Variants in EBF2 observed in about 807,000 individuals in gnomAD.
The protein encoded by EBF2 is EBF transcription factor 2.
A neutral mutation model predicts 72.8 loss-of-function variants in EBF2; 21 were observed. That is an observed-to-expected ratio of 0.29 (90% CI 0.20 to 0.42). The LOEUF (loss-of-function observed/expected upper bound fraction) is 0.42, where lower values mean the gene tolerates loss of function less well. EBF2 is among the 10% of genes least tolerant of loss of function. The probability of loss-of-function intolerance (pLI) is 1.00; values close to 1 mark genes in which losing one functional copy is unlikely to be tolerated. For synonymous variants in EBF2, 299 were observed against 274.2 expected (o/e 1.09, Z -0.89); for missense variants, 637 against 731.2 (o/e 0.87, Z 1.49).
chr8:25,996,249 C>G (rs1418031273), intron 6 of EBF2, among the ~76,000 whole-genome samples: 6 of 146,500 alleles, frequency 4.1e-5, no homozygotes, highest in Non-Finnish European at 8.9e-5. Flanking sequence ...GAGCCAAGAT[C>G]ATGCCACTGT....
At chr8:25,965,279 A>C (rs996397146) in intron 6 of EBF2, among the ~76,000 whole-genome samples, 1 of 152,204 alleles carries the variant, frequency 6.6e-6, no homozygotes, top group Non-Finnish European at 1.5e-5. Flanking sequence ...AACTCAAAGT[A>C]CCTATTCAGT....
At chr8:25,904,253 G>T (rs1209948337) in intron 7 of EBF2, among the ~76,000 whole-genome samples, 1 of 107,824 alleles carries the variant, frequency 9.3e-6, no homozygotes, top group Non-Finnish European at 2.0e-5. Context: ...AAAAAAAAAG[G>T]TTAAAAAGGG....
At chr8:25,858,950 C>T (rs1203427091) in intron 13 of EBF2, among the ~76,000 whole-genome samples, 3 of 152,080 alleles carry the variant, frequency 2.0e-5, no homozygotes, top group Admixed American at 6.5e-5. Flanking sequence ...TGAGCCAGTG[C>T]GCCCAGCCCA....
At chr8:25,945,326 C>T (rs1241156659) in intron 6 of EBF2, among the ~76,000 whole-genome samples, 1 of 152,024 alleles carries the variant, frequency 6.6e-6, no homozygotes, top group African/African-American at 2.4e-5. Context: ...TAGTTCAGAC[C>T]AGAAAATTTC....
chr8:25,885,209 C>CTT (rs35187702), intron 10 of EBF2, among the ~76,000 whole-genome samples: 88 of 149,210 alleles, frequency 5.9e-4, no homozygotes, highest in African/African-American at 2.0e-3. Flanking sequence ...TACCAGGCTC[C>CTT]TTTTTTTTTT....
In EBF2 at chr8:25,942,013, A is replaced by G. The variant is rs144637281; in HGVS notation, c.552-33458T>C. 1.3e-4 allele frequency among the ~76,000 whole-genome samples: 20 copies of G among 152,326 alleles called. No individual in the cohort carries two copies. In the East Asian group the frequency reaches 3.7e-3, roughly 28 times the overall value. ...TGAAGCACTGTGCTAGAGGCTGGAA[A>G]TAGAAAACCATGTTCCCGTCCTCAG... On this transcript the variant is annotated intron_variant, in intron 6 of 15. Transcript: ENST00000520164.
intron 7 of EBF2, among the ~76,000 whole-genome samples, chr8:25,900,221 C>T (rs1431190581): frequency 6.6e-6 from 1 of 152,136 alleles, no homozygotes; most frequent in Non-Finnish European, 1.5e-5. Context: ...TTTGCGAAGC[C>T]AAGGCGAGTG....
At chr8:25,906,026 A>G (rs142885796) in intron 7 of EBF2, among the ~76,000 whole-genome samples, 117 of 152,356 alleles carry the variant, frequency 7.7e-4, no homozygotes, top group African/African-American at 2.7e-3. Context: ...TTCTATGCCA[A>G]TGAAAAACTC....
At chr8:25,907,511 C>T (rs1450637456) in intron 7 of EBF2, among the ~76,000 whole-genome samples, 1 of 149,146 alleles carries the variant, frequency 6.7e-6, no homozygotes. Context: ...TGCAACGTGT[C>T]GCATGCCCAC....
chr8:25,977,124 A>C (rs1305614167), intron 6 of EBF2, among the ~76,000 whole-genome samples: 1 of 152,126 alleles, frequency 6.6e-6, no homozygotes, highest in African/African-American at 2.4e-5. Flanking sequence ...GCATTTCCAA[A>C]CCCAGAGCCT....
chr8:26,012,724 G>A (rs1451461573), intron 6 of EBF2, among the ~76,000 whole-genome samples: 1 of 152,136 alleles, frequency 6.6e-6, no homozygotes, highest in African/African-American at 2.4e-5. Context: ...ATTTCAAACA[G>A]GTGATCCTAG....
chr8:26,029,356 C>G (rs571361998), intron 6 of EBF2, among the ~76,000 whole-genome samples: 1 of 152,278 alleles, frequency 6.6e-6, no homozygotes, highest in East Asian at 1.9e-4. Context: ...TTGATGGTAT[C>G]AAGGGCATTT....
chr8:26,029,678 G>T (rs1449185710), intron 6 of EBF2, among the ~76,000 whole-genome samples: 1 of 152,218 alleles, frequency 6.6e-6, no homozygotes, highest in African/African-American at 2.4e-5. Context: ...AAGGTTAGGT[G>T]AGAAGGGGGA....
intron 6 of EBF2, among the ~76,000 whole-genome samples, chr8:26,012,111 A>C (rs539859939): frequency 2.0e-5 from 3 of 152,246 alleles, no homozygotes; most frequent in African/African-American, 7.2e-5. Flanking sequence ...ACTTCTTTGC[A>C]AGTGTATCAT....
chr8:25,972,969 C>T (rs1020927224), intron 6 of EBF2, among the ~76,000 whole-genome samples: 2 of 151,566 alleles, frequency 1.3e-5, no homozygotes, highest in Non-Finnish European at 2.9e-5. Flanking sequence ...TCCCACCCAC[C>T]CTTGTCCCAC....
At chr8:25,988,155 G>A (rs948737574) in intron 6 of EBF2, among the ~76,000 whole-genome samples, 2 of 151,960 alleles carry the variant, frequency 1.3e-5, no homozygotes, top group African/African-American at 4.8e-5. Context: ...GAGAAATAAA[G>A]AGGGTAGAGC....
At chr8:25,871,836 T>TGTAAGTAA (rs1416892584) in intron 10 of EBF2, among the ~76,000 whole-genome samples, 2 of 152,174 alleles carry the variant, frequency 1.3e-5, no homozygotes, top group Non-Finnish European at 2.9e-5. Context: ...GCGGGTATAA[T>TGTAAGTAA]ATATGAGATT....
At chr8:26,000,013 T>C (rs1487360059) in intron 6 of EBF2, among the ~76,000 whole-genome samples, 1 of 152,142 alleles carries the variant, frequency 6.6e-6, no homozygotes, top group Non-Finnish European at 1.5e-5. Context: ...GGCAGAAAAC[T>C]CCTGAGCAGC....
At position 25,883,925 on chromosome 8, in the gene EBF2, C is replaced by T. The variant is rs568246843; in HGVS notation, c.1009+2830G>A. 2.6e-5 allele frequency among the ~76,000 whole-genome samples: 4 copies of T among 152,244 alleles called. No individual in the cohort carries two copies. In the South Asian group the frequency reaches 8.3e-4, roughly 32 times the overall value. ...CTTCTTCTTACCCTGACCACTCCTT[C>T]TCAGGATCCTTCCCAGGTTCCTCCT... On this transcript the variant is annotated intron_variant, in intron 10 of 15. Transcript: ENST00000520164.
Sources: allele counts gnomAD v4.1 joint callset (sites outside exome capture counted in the v4.1 genomes callset), GRCh38; gene constraint gnomAD v4.1.1; transcripts MANE v1.5; gene names NCBI Gene and HGNC (gene_info 2026-07-23, HGNC 2026-07-21).